PLEKHA8: variants seen among roughly 807,000 people sequenced by gnomAD.
PLEKHA8 encodes pleckstrin homology domain-containing family A member 8.
In PLEKHA8, 36 loss-of-function variants were observed where a neutral mutation model predicts 68.2. The observed-to-expected ratio is 0.53, with a 90% CI of 0.40 to 0.70. PLEKHA8 has a LOEUF of 0.70. PLEKHA8 is among the 30% of genes least tolerant of loss of function. The probability of loss-of-function intolerance (pLI) is 0.00; values close to 1 mark genes in which losing one functional copy is unlikely to be tolerated. For missense variants in PLEKHA8, 505 were observed against 615.4 expected (o/e 0.82, Z 1.90); for synonymous variants, 211 against 216.1 (o/e 0.98, Z 0.20).
chr7:30,065,689 A>G (rs1793796905), intron 12 of PLEKHA8, among the ~76,000 whole-genome samples: 1 of 152,190 alleles, frequency 6.6e-6, no homozygotes, highest in Non-Finnish European at 1.5e-5. Context: ...TTTAAATTCT[A>G]AAGTTGAATT....
chr7:30,057,357 C>T (rs193201472), intron 9 of PLEKHA8, among the ~76,000 whole-genome samples: 9 of 152,080 alleles, frequency 5.9e-5, no homozygotes, highest in South Asian at 2.1e-4. Flanking sequence ...ATCAGTAGTT[C>T]GTTCCTTTTT....
intron 9 of PLEKHA8, among the ~76,000 whole-genome samples, chr7:30,059,440 A>G (rs1793256659): frequency 6.6e-6 from 1 of 152,070 alleles, no homozygotes; most frequent in Non-Finnish European, 1.5e-5. Flanking sequence ...TTGTTAATGT[A>G]ATGAATTACA....
intron 13 of PLEKHA8, among the ~76,000 whole-genome samples, chr7:30,117,737 C>T (rs1796612064): frequency 6.6e-6 from 1 of 151,998 alleles, no homozygotes; most frequent in Non-Finnish European, 1.5e-5. Context: ...TAAAAAACAA[C>T]AGTTTTGATT....
intron 1 of PLEKHA8, among the ~76,000 whole-genome samples, chr7:30,044,157 C>T (rs1791766957): frequency 6.6e-6 from 1 of 151,718 alleles, no homozygotes; most frequent in Admixed American, 6.6e-5. Context: ...CAGGCACTTG[C>T]CGCCACGCCC....
Position 30,084,258 on chromosome 7 carries a change from A to G in PLEKHA8, c.*5471A>G, listed in dbSNP as rs893692339. ...TAAGTCACTGTTTAATTCCATGCCTAGTATTCTTATGAATGTTTGTGGTTT... is the reference window on the plus strand; with the variant it reads ...TAAGTCACTGTTTAATTCCATGCCTGGTATTCTTATGAATGTTTGTGGTTT... On this transcript the variant is annotated 3_prime_UTR_variant, in exon 14 of 14. Transcript: ENST00000449726. 4.1e-6 allele frequency: 4 copies of G among 985,258 alleles called. No homozygotes were observed. The African/African-American group carries it at 7.0e-5, about 17-fold the overall frequency. 61.0% of individuals were successfully genotyped at this position (985,258 alleles called of 1,614,324 possible).
chr7:30,105,668 A>G (rs1400394400), intron 13 of PLEKHA8, among the ~76,000 whole-genome samples: 1 of 152,254 alleles, frequency 6.6e-6, no homozygotes, highest in African/African-American at 2.4e-5. Flanking sequence ...AAATGAGGAA[A>G]TACAAATGGC....
chr7:30,124,798 T>G (rs1796746891), intron 13 of PLEKHA8, among the ~76,000 whole-genome samples: 1 of 152,306 alleles, frequency 6.6e-6, no homozygotes, highest in African/African-American at 2.4e-5. Flanking sequence ...TTCAAAATGC[T>G]TTTTTGTGAC....
At chr7:30,126,705 C>G (rs1796776587) in intron 13 of PLEKHA8, among the ~76,000 whole-genome samples, 1 of 152,166 alleles carries the variant, frequency 6.6e-6, no homozygotes. Context: ...GGGGAGGCCT[C>G]ACAATCATGG....
chr7:30,078,626 G>A lies in PLEKHA8; in HGVS notation c.1399G>A (p.Val467Met), dbSNP rs1794758304. Reference sequence around the variant, plus strand: ...GGCAGCTCCATCCTATGAAGATTTTGTGGCCGCGTTAACCGTAAAGGAAGG... The same window carrying A: ...GGCAGCTCCATCCTATGAAGATTTTATGGCCGCGTTAACCGTAAAGGAAGG... ...LRAAPSYEDF[V>M]AALTVKEGDH... Residue 467 changes from valine (V) to methionine (M), a missense_variant, in exon 14 of 14, where the codon GTG becomes ATG. Coordinates refer to ENST00000449726, the MANE Select transcript of PLEKHA8 (RefSeq NM_001197026.2). The A allele has an allele frequency of 6.2e-7, 1 of 1,613,862 alleles. No individual in the cohort carries two copies. Among genetic ancestry groups the A allele is most frequent in the Middle Eastern group, 1.7e-4 (1 of 6,058 alleles).
At chr7:30,094,162 A>G (rs550771098), downstream of PLEKHA8, among the ~76,000 whole-genome samples, 4 of 152,202 alleles carry the variant, frequency 2.6e-5, no homozygotes, top group Non-Finnish European at 4.4e-5. Flanking sequence ...GGACATCTTT[A>G]GACTGTTCAT....
exon 14 of PLEKHA8, chr7:30,129,321 A>G: frequency 1.2e-6 from 2 of 1,612,774 alleles, no homozygotes; most frequent in Non-Finnish European, 1.7e-6. Context: ...CCATGAGGCA[A>G]CTCTGAGGAT....
chr7:30,061,541 T>G lies in PLEKHA8; in HGVS notation c.1099-356T>G, dbSNP rs115656961. Among the ~76,000 whole-genome samples the G allele has an allele frequency of 1.4e-3, 209 of 152,358 alleles. 3 individuals are homozygous for G. Among genetic ancestry groups the G allele is most frequent in the African/African-American group, 4.9e-3 (202 of 41,576 alleles). On this transcript the variant is annotated intron_variant, in intron 10 of 13. Transcript: ENST00000449726. Reference sequence around the variant, plus strand: ...ATTAGGAATTCCTGTAGGTATACCTTTCTTTATTGTATTTAGGTGGAACAG... The same window carrying G: ...ATTAGGAATTCCTGTAGGTATACCTGTCTTTATTGTATTTAGGTGGAACAG...
At chr7:30,113,891 CA>C (rs1272463708) in intron 13 of PLEKHA8, among the ~76,000 whole-genome samples, 3 of 149,642 alleles carry the variant, frequency 2.0e-5, no homozygotes, top group African/African-American at 7.4e-5. Flanking sequence ...TGTTTCTGTT[CA>C]AAATATTACT....
chr7:30,084,939 TTTTTC>T (rs1326612582), downstream of PLEKHA8, among the ~76,000 whole-genome samples: 1 of 147,234 alleles, frequency 6.8e-6, no homozygotes, highest in Non-Finnish European at 1.5e-5. Context: ...AATCTTTTTC[TTTTTC>T]TTTTCTTTTT....
chr7:30,091,259 C>CTT (rs572121473), downstream of PLEKHA8, among the ~76,000 whole-genome samples: 4 of 144,290 alleles, frequency 2.8e-5, no homozygotes, highest in Non-Finnish European at 6.1e-5. Flanking sequence ...TTGTTTTACT[C>CTT]TTTTTTTTTT....
At chr7:30,062,884 T>G in intron 12 of PLEKHA8, 142 bp downstream of exon 12, 1 of 619,538 alleles carries the variant, frequency 1.6e-6, no homozygotes, top group Non-Finnish European at 2.7e-6. Context: ...TATTCATTGC[T>G]TCTTATATGC....
intron 1 of PLEKHA8, among the ~76,000 whole-genome samples, chr7:30,035,917 A>T (rs903052220): frequency 7.9e-5 from 12 of 151,578 alleles, no homozygotes; most frequent in Admixed American, 3.9e-4. Context: ...AAGTGTTGGG[A>T]TTACAGGCAT....
chr7:30,038,414 C>A (rs1003940845), intron 1 of PLEKHA8, among the ~76,000 whole-genome samples: 4 of 152,104 alleles, frequency 2.6e-5, no homozygotes, highest in Non-Finnish European at 5.9e-5. Flanking sequence ...CAGTACACTT[C>A]AGAGTAGCTC....
rs566239322 is a variant in PLEKHA8 at position 30,030,271 on chromosome 7, C to G, written c.40+1469C>G. On this transcript the variant is annotated intron_variant, in intron 1 of 13. Coordinates refer to ENST00000449726, the MANE Select transcript of PLEKHA8 (RefSeq NM_001197026.2). ...ATTCTTCTTTTTTTCCCATTCTTCC[C>G]CATCCCCAACTTTTTTTGTTGTTTT... 2.6e-5 allele frequency among the ~76,000 whole-genome samples: 4 copies of G among 152,254 alleles called. No homozygotes were observed. The East Asian group carries it at 7.7e-4, about 29-fold the overall frequency.
Sources: gnomAD v4.1 joint callset for allele counts (sites outside exome capture counted in the v4.1 genomes callset) on GRCh38, gnomAD v4.1.1 for gene constraint, MANE v1.5 for transcripts, NCBI Gene and HGNC (gene_info 2026-07-23, HGNC 2026-07-21) for gene names.